Variants in PEAR1 observed in about 807,000 individuals in gnomAD.
The protein encoded by PEAR1 is platelet endothelial aggregation receptor 1.
In PEAR1, 113 loss-of-function variants were observed where a neutral mutation model predicts 131.2. The observed-to-expected ratio is 0.86, with a 90% CI of 0.74 to 1.01. PEAR1 has a LOEUF of 1.01. Ranked by LOEUF, PEAR1 falls within the 50% of genes least tolerant of loss-of-function variation. PEAR1 has a pLI of 0.00. For synonymous variants in PEAR1, 565 were observed against 523.3 expected, an observed-to-expected ratio of 1.08 and a Z score of -1.09; for missense variants, 1,408 against 1,391.1, an observed-to-expected ratio of 1.01 and a Z score of -0.19.
chr1:156,895,612 C>T (rs535074274), intron 1 of PEAR1, among the ~76,000 whole-genome samples: 1 of 152,304 alleles, frequency 6.6e-6, no homozygotes, highest in East Asian at 1.9e-4. Flanking sequence ...CAGAGGCTGA[C>T]AGATGCAGAG....
At chr1:156,895,995 TC>T (rs1649123232) in intron 1 of PEAR1, among the ~76,000 whole-genome samples, 1 of 152,002 alleles carries the variant, frequency 6.6e-6, no homozygotes, top group African/African-American at 2.4e-5. Context: ...GGTGGGAGGA[TC>T]ACTTGAGCCC....
intron 22 of PEAR1, 125 bp from the exon 23 acceptor site, chr1:156,914,521 TC>T: frequency 3.2e-6 from 3 of 939,176 alleles, no homozygotes; most frequent in Non-Finnish European, 4.8e-6. Flanking sequence ...GGTGTATGTA[TC>T]CAGGCCCCAT....
At chr1:156,898,196 G>A (rs1649345379) in intron 1 of PEAR1, among the ~76,000 whole-genome samples, 1 of 152,160 alleles carries the variant, frequency 6.6e-6, no homozygotes, top group Non-Finnish European at 1.5e-5. Context: ...GGGTGGCGGC[G>A]AGGGTTGGGA....
chr1:156,910,363 G>GA lies in PEAR1; in HGVS notation c.1808_1809insA (p.Ser605LeufsTer22). Reference sequence around the variant, plus strand: ...TGCGTGTGTGCACCCGGATTCCGGGGCCCCTCCTGCCAGAGATGTGAGGCT... The same window carrying GA: ...TGCGTGTGTGCACCCGGATTCCGGGGACCCCTCCTGCCAGAGATGTGAGGCT... On this transcript the variant is annotated frameshift_variant, in exon 14 of 23. Coordinates refer to ENST00000292357, the MANE Select transcript of PEAR1 (RefSeq NM_001080471.3). LOFTEE classifies it high-confidence loss of function. The GA allele has an allele frequency of 6.3e-7, 1 of 1,599,088 alleles. No homozygotes were observed. The highest frequency in any genetic ancestry group is 8.5e-7 in the Non-Finnish European group (1 of 1,172,498).
rs1651278782 is a variant in PEAR1 at position 156,912,153 on chromosome 1, A to C, written c.1952-94A>C. ...GCTTTGGTGTGCCCAGGGAGACCAA[A>C]GCTGAGCTAAAGGCTTCAGTGATGC... On this transcript the variant is annotated intron_variant, in intron 15 of 22. Transcript: ENST00000292357. 2.0e-6 allele frequency: 3 copies of C among 1,478,860 alleles called. No homozygotes were observed. The South Asian group carries it at 4.1e-5, about 20-fold the overall frequency. 91.6% of individuals were successfully genotyped at this position (1,478,860 alleles called of 1,614,324 possible).
chr1:156,908,997 GC>G lies in PEAR1; in HGVS notation c.1374del (p.Cys459AlafsTer226). The G allele has an allele frequency of 6.2e-7, 1 of 1,614,072 alleles. No individual in the cohort carries two copies. The highest frequency in any genetic ancestry group is 1.1e-5 in the South Asian group (1 of 91,082). ...SARCSCENAIACSPIDGECVC... is the reference protein window; with the variant it reads ...SARCSCENAIXCSPIDGECVC... ...ACGCTGCTCATGTGAAAATGCCATCGCCTGCTCACCCATCGACGGCGAGTGC... is the reference window on the plus strand; with the variant it reads ...ACGCTGCTCATGTGAAAATGCCATCGCTGCTCACCCATCGACGGCGAGTGC... On this transcript the variant is annotated frameshift_variant, in exon 11 of 23. Coordinates refer to ENST00000292357, the MANE Select transcript of PEAR1 (RefSeq NM_001080471.3). LOFTEE classifies it high-confidence loss of function. The surrounding 1 kb of genome is among the most constrained non-coding windows in gnomAD (Gnocchi z 4.2).
rs558569716 is a variant in PEAR1 at position 156,900,042 on chromosome 1, G to A, written c.-9-3876G>A. ...ATTCCTTCCTCCTAGGAGGGGTTGG[G>A]GCACAGTGAGGGTAGGGGGGCTCCC... is the stretch of plus-strand genomic sequence containing the variant. On this transcript the variant is annotated intron_variant, in intron 1 of 22. Coordinates refer to ENST00000292357, the MANE Select transcript of PEAR1 (RefSeq NM_001080471.3). 9.1e-4 allele frequency among the ~76,000 whole-genome samples: 139 copies of A among 152,056 alleles called. 1 individual carries two copies. The highest frequency in any genetic ancestry group is 4.4e-3 in the Admixed American group (68 of 15,286).
intron 15 of PEAR1, 22 bp from the exon 16 acceptor site, chr1:156,912,225 A>G: frequency 6.3e-7 from 1 of 1,596,510 alleles, no homozygotes; most frequent in African/African-American, 1.3e-5. Context: ...GCCCCACCAG[A>G]CAGGCCCCAT....
rs769299117 is a variant in PEAR1 at position 156,913,176 on chromosome 1, C to T, written c.2423-18C>T. 4 of 1,610,230 alleles carry T rather than the reference C, an allele frequency of 2.5e-6. No homozygotes were observed. Among genetic ancestry groups the T allele is most frequent in the South Asian group, 1.1e-5 (1 of 90,528 alleles). On this transcript the variant is annotated intron_variant, in intron 18 of 22. Coordinates refer to ENST00000292357, the MANE Select transcript of PEAR1 (RefSeq NM_001080471.3). ...TGCCCATCGCTGAGCTCACCCTGTG[C>T]TTGTGTCTGTCATGCAGATGTCCCT...
At position 156,907,622 on chromosome 1, in the gene PEAR1, C is replaced by A; in HGVS notation, c.657C>A (p.Ser219=). The A allele has an allele frequency of 1.2e-6, 2 of 1,613,314 alleles. No homozygotes were observed. The highest frequency in any genetic ancestry group is 1.7e-6 in the Non-Finnish European group (2 of 1,179,560). ...CTCTGTCCTGCAGCTGTGACGTGTCCTGTTCCCAGGGCACTTCTGGCTTCT... is the reference window on the plus strand; with the variant it reads ...CTCTGTCCTGCAGCTGTGACGTGTCATGTTCCCAGGGCACTTCTGGCTTCT... The part of the protein sequence containing the change: ...AERTGPSCDV[S]CSQGTSGFFC... Residue 219 remains serine, a synonymous_variant, in exon 7 of 23, where the codon TCC becomes TCA. Coordinates refer to ENST00000292357, the MANE Select transcript of PEAR1 (RefSeq NM_001080471.3).
Position 156,908,605 on chromosome 1 carries a change from C to A in PEAR1, c.1116-50C>A. On this transcript the variant is annotated intron_variant, in intron 9 of 22. Coordinates refer to ENST00000292357, the MANE Select transcript of PEAR1 (RefSeq NM_001080471.3). The surrounding 1 kb of genome is among the most constrained non-coding windows in gnomAD (Gnocchi z 4.2). ...CCACGCGGAGGGGTCGGGAAGCTGC[C>A]CTGCCCCTGCCCAGCTCAGACCGCG... The A allele has an allele frequency of 1.4e-6, 2 of 1,459,628 alleles. No homozygotes were observed. The highest frequency in any genetic ancestry group is 1.8e-6 in the Non-Finnish European group (2 of 1,102,794). The allele number at this position is 1,459,628 out of a possible 1,614,324, so 90.4% of individuals were successfully genotyped here. A position where few individuals can be genotyped will look rare whatever the true frequency, so the allele number is the denominator to read the frequency against.
chr1:156,914,609 A>T (rs775039327), intron 22 of PEAR1, 38 bp from the exon 23 acceptor site: 3 of 1,578,446 alleles, frequency 1.9e-6, no homozygotes, highest in Non-Finnish European at 2.6e-6. Flanking sequence ...GAGTGGTGGG[A>T]GGAGCCACTC....
Position 156,910,331 on chromosome 1 carries a change from T to C in PEAR1, c.1776T>C (p.Asn592=), listed in dbSNP as rs771285209. ...ATGGGGGCACCTGTCTCCCTGAGAA[T>C]GGCAACTGCGTGTGTGCACCCGGAT... ...CKNGGTCLPE[N]GNCVCAPGFR... The change falls in exon 14 of 23, where the codon AAT becomes AAC. Residue 592 remains asparagine, a synonymous_variant. Coordinates refer to ENST00000292357, the MANE Select transcript of PEAR1 (RefSeq NM_001080471.3). 63 of 1,612,400 alleles carry C rather than the reference T, an allele frequency of 3.9e-5. No individual in the cohort carries two copies. Among genetic ancestry groups the C allele is most frequent in the Non-Finnish European group, 5.3e-5 (62 of 1,179,274 alleles).
chr1:156,903,896 C>G (rs1205830922), intron 1 of PEAR1, 22 bp from the exon 2 acceptor site: 1 of 1,594,688 alleles, frequency 6.3e-7, no homozygotes, highest in Non-Finnish European at 8.6e-7. Flanking sequence ...CCACTGCCCA[C>G]TCTGCGCCGG....
chr1:156,897,855 G>C (rs1365965176), intron 1 of PEAR1, among the ~76,000 whole-genome samples: 1 of 152,178 alleles, frequency 6.6e-6, no homozygotes, highest in African/African-American at 2.4e-5. Flanking sequence ...CGCAGGGGTA[G>C]AGGTAATGAA....
chr1:156,899,923 T>C (rs1302546396), intron 1 of PEAR1, among the ~76,000 whole-genome samples: 4 of 152,124 alleles, frequency 2.6e-5, no homozygotes. Context: ...CTCACTTCCG[T>C]CACCCTTACT....
Position 156,913,328 on chromosome 1 carries a change from C to A in PEAR1, c.2511+46C>A, listed in dbSNP as rs778750490. The A allele has an allele frequency of 2.2e-5, 36 of 1,600,962 alleles. No homozygotes were observed. In the South Asian group the frequency reaches 3.3e-4, roughly 15 times the overall value. On this transcript the variant is annotated intron_variant, in intron 19 of 22. Coordinates refer to ENST00000292357, the MANE Select transcript of PEAR1 (RefSeq NM_001080471.3). ...TGCACTGTGGAGGGAAGCGCACAGA[C>A]CAGCTTCTCTGGAAAGCCCTGTCCT...
At chr1:156,904,698 G>T in intron 2 of PEAR1, 50 bp from the exon 3 acceptor site, 2 of 1,535,472 alleles carry the variant, frequency 1.3e-6, no homozygotes, top group Non-Finnish European at 1.8e-6. Context: ...CGTTGTGGCC[G>T]CTCAGGCCTC....
chr1:156,914,088 C>T lies in PEAR1; in HGVS notation c.2950C>T (p.Pro984Ser), dbSNP rs372598310. 4.4e-5 allele frequency: 70 copies of T among 1,597,430 alleles called. 1 individual carries two copies. In the South Asian group the frequency reaches 7.5e-4, roughly 17 times the overall value. ...CAGTGGCACCTACGAGCAGCCCAGC[C>T]CCCTGATCCATGGTGAGCCCTCCCT... ...RDSGTYEQPSPLIHDRDSVGS... is the reference protein window; with the variant it reads ...RDSGTYEQPSSLIHDRDSVGS... Residue 984 changes from proline to serine, a missense_variant, in exon 22 of 23, where the codon CCC (proline) becomes TCC (serine). Pro to Ser is a moderately conservative substitution (Grantham distance 74). Transcript: ENST00000292357.
Sources: allele counts gnomAD v4.1 joint callset (sites outside exome capture counted in the v4.1 genomes callset), GRCh38; gene constraint gnomAD v4.1.1; non-coding constraint Gnocchi (gnomAD v3.1); transcripts MANE v1.5; gene names NCBI Gene and HGNC (gene_info 2026-07-23, HGNC 2026-07-21).